Variants in POLA1 observed in about 807,000 individuals in gnomAD.
POLA1 encodes the protein DNA polymerase alpha catalytic subunit.
Under a neutral mutation model 124.0 loss-of-function variants are expected in POLA1, and 15 were observed. The ratio of observed to expected loss-of-function variants is 0.12; its 90% CI spans 0.08 to 0.19. POLA1 has a LOEUF of 0.19. Among genes scored for constraint, POLA1 ranks in the 10% least tolerant of loss-of-function variants. The pLI is 1.00. For synonymous variants in POLA1, 408 were observed against 389.4 expected, an observed-to-expected ratio of 1.05 and a Z score of -0.56; for missense variants, 886 against 1,103.4, an observed-to-expected ratio of 0.80 and a Z score of 2.79.
Position 24,737,965 on chromosome X carries a change from G to A in POLA1, c.2040+224G>A, listed in dbSNP as rs1005572761. ...GCGGTGGCTCAAGCCTGTAATCCCA[G>A]CACTTTGGGAGGCCGAGGCGGGTGG... is the stretch of plus-strand genomic sequence containing the variant. On this transcript the variant is annotated intron_variant, in intron 19 of 36. Coordinates refer to ENST00000379068, the MANE Select transcript of POLA1 (RefSeq NM_001330360.2). 9.0e-5 allele frequency among the ~76,000 whole-genome samples: 9 copies of A among 99,580 alleles called. 2 individuals are homozygous for A. Among genetic ancestry groups the A allele is most frequent in the African/African-American group, 4.5e-4 (9 of 20,079 alleles). The allele number at this position is 99,580 out of a possible 115,157, so 86.5% of individuals were successfully genotyped here.
At chrX:24,915,578 T>C (rs2047518117) in intron 35 of POLA1, among the ~76,000 whole-genome samples, 2 of 111,751 alleles carry the variant, frequency 1.8e-5, no homozygotes, top group African/African-American at 6.5e-5. Flanking sequence ...CAAGAAAATA[T>C]TGTGAACGCC....
chrX:24,782,436 A>G (rs2045284177), intron 26 of POLA1, among the ~76,000 whole-genome samples: 1 of 111,885 alleles, frequency 8.9e-6, no homozygotes, highest in Non-Finnish European at 1.9e-5. Context: ...GCTGCAATAC[A>G]GTTCACTAAA....
At chrX:24,822,567 A>G (rs777492671) in intron 31 of POLA1, among the ~76,000 whole-genome samples, 1 of 112,449 alleles carries the variant, frequency 8.9e-6, no homozygotes, top group South Asian at 3.7e-4. Context: ...GTGGATGTAC[A>G]TAACAAATGA....
intron 36 of POLA1, among the ~76,000 whole-genome samples, chrX:24,945,543 G>T (rs1340648782): frequency 1.8e-5 from 2 of 112,041 alleles, no homozygotes; most frequent in Non-Finnish European, 3.8e-5. Context: ...GTATTAAAAA[G>T]AAAACTTTAG....
chrX:24,870,151 C>A (rs2046845883), intron 34 of POLA1, among the ~76,000 whole-genome samples: 1 of 111,817 alleles, frequency 8.9e-6, no homozygotes, highest in Non-Finnish European at 1.9e-5. Context: ...GCTATATCCC[C>A]ACTCCAGATA....
At chrX:24,802,498 G>C (rs922246863) in intron 26 of POLA1, among the ~76,000 whole-genome samples, 2 of 111,812 alleles carry the variant, frequency 1.8e-5, no homozygotes, top group Non-Finnish European at 3.8e-5. Flanking sequence ...TCAGGGGTTT[G>C]AATTTTATTT....
chrX:24,967,429 G>T (rs1177127429), intron 36 of POLA1, among the ~76,000 whole-genome samples: 1 of 110,600 alleles, frequency 9.0e-6, no homozygotes, highest in Non-Finnish European at 1.9e-5. Flanking sequence ...CAGCACTTTG[G>T]GAGGCTGAGG....
chrX:24,879,823 TTAAGTA>T (rs1332635323), intron 34 of POLA1, among the ~76,000 whole-genome samples: 1 of 112,069 alleles, frequency 8.9e-6, no homozygotes, highest in East Asian at 2.8e-4. Flanking sequence ...ATAAAGTCTT[TTAAGTA>T]TATTTTCCCT....
At chrX:24,763,919 C>G (rs888134143) in intron 26 of POLA1, among the ~76,000 whole-genome samples, 1 of 111,456 alleles carries the variant, frequency 9.0e-6, no homozygotes, top group Non-Finnish European at 1.9e-5. Flanking sequence ...ACTTGTAAAA[C>G]AGCTCACCTA....
intron 35 of POLA1, among the ~76,000 whole-genome samples, chrX:24,907,990 C>T (rs1398708438): frequency 9.0e-6 from 1 of 111,273 alleles, no homozygotes; most frequent in African/African-American, 3.3e-5. Flanking sequence ...AATTTTAATT[C>T]TAAGTGTGTA....
At chrX:24,986,617 C>G (rs2048483955) in intron 36 of POLA1, among the ~76,000 whole-genome samples, 1 of 108,513 alleles carries the variant, frequency 9.2e-6, no homozygotes, top group South Asian at 4.2e-4. Context: ...TATGGTAGTA[C>G]ATACCTATAC....
At position 24,947,816 on chromosome X, in the gene POLA1, A is replaced by G. The variant is rs186923449; in HGVS notation, c.4261+17267A>G. Among the ~76,000 whole-genome samples, 3 of 112,187 alleles carry G rather than the reference A, an allele frequency of 2.7e-5. No individual in the cohort carries two copies. In the East Asian group the frequency reaches 8.4e-4, roughly 31 times the overall value. On this transcript the variant is annotated intron_variant, in intron 36 of 36. Coordinates refer to ENST00000379068, the MANE Select transcript of POLA1 (RefSeq NM_001330360.2). ...GCAATGTAGGTTTGTAAACAATACT[A>G]CTAATAGGCTGGGGCTGGGGGAGAA...
intron 15 of POLA1, among the ~76,000 whole-genome samples, chrX:24,729,960 A>G (rs778505990): frequency 9.1e-6 from 1 of 109,952 alleles, no homozygotes; most frequent in Admixed American, 9.7e-5. Context: ...GCGGGCCACT[A>G]CACATGGTTA....
chrX:24,811,128 T>A (rs1170233717), intron 28 of POLA1, among the ~76,000 whole-genome samples: 4 of 110,455 alleles, frequency 3.6e-5, no homozygotes, highest in Non-Finnish European at 7.6e-5. Context: ...TAAAAAACAA[T>A]TTTTTTTGTA....
At chrX:24,881,954 T>A (rs945383409) in intron 34 of POLA1, among the ~76,000 whole-genome samples, 1 of 111,244 alleles carries the variant, frequency 9.0e-6, no homozygotes, top group Non-Finnish European at 1.9e-5. Context: ...TTGTAAGGAT[T>A]TGAAAGCCAG....
chrX:24,857,943 C>A (rs977537670), intron 34 of POLA1, among the ~76,000 whole-genome samples: 2 of 111,142 alleles, frequency 1.8e-5, no homozygotes, highest in Non-Finnish European at 3.8e-5. Context: ...TTCTAATGTA[C>A]CACTGAATAG....
chrX:24,815,956 T>A (rs1258941814), intron 30 of POLA1, among the ~76,000 whole-genome samples: 1 of 111,911 alleles, frequency 8.9e-6, no homozygotes, highest in Non-Finnish European at 1.9e-5. Context: ...AACATAAACA[T>A]TTTCCCACAT....
chrX:24,871,637 G>A (rs2046865805), intron 34 of POLA1, among the ~76,000 whole-genome samples: 1 of 109,080 alleles, frequency 9.2e-6, no homozygotes. Context: ...TCTCACACTT[G>A]AACAGACCTT....
chrX:24,943,278 G>A (rs371247111), intron 36 of POLA1, among the ~76,000 whole-genome samples: 1 of 112,277 alleles, frequency 8.9e-6, no homozygotes, highest in Non-Finnish European at 1.9e-5. Flanking sequence ...GGAATTAAAT[G>A]GGATGACTGA....
Sources: gnomAD v4.1 joint callset for allele counts (sites outside exome capture counted in the v4.1 genomes callset) on GRCh38, gnomAD v4.1.1 for gene constraint, MANE v1.5 for transcripts, NCBI Gene and HGNC (gene_info 2026-07-23, HGNC 2026-07-21) for gene names.